The following C1QTNF3 variants were observed in gnomAD, a reference collection of about 807,000 sequenced individuals.
C1QTNF3 encodes complement C1q tumor necrosis factor-related protein 3.
A neutral mutation model predicts 32.6 loss-of-function variants in C1QTNF3; 26 were observed. The observed-to-expected ratio is 0.80, with a 90% CI of 0.58 to 1.11. The LOEUF (loss-of-function observed/expected upper bound fraction) is 1.11. Ranked by LOEUF, C1QTNF3 falls within the 50% of genes least tolerant of loss-of-function variation. The probability of loss-of-function intolerance (pLI) is 0.00; values close to 1 mark genes in which losing one functional copy is unlikely to be tolerated. For synonymous variants in C1QTNF3, 155 were observed against 146.0 expected, an observed-to-expected ratio of 1.06 and a Z score of -0.44; for missense variants, 362 against 398.2, an observed-to-expected ratio of 0.91 and a Z score of 0.77.
chr5:34,102,866 AG>A, the C1QTNF3 span, among the ~76,000 whole-genome samples: 2 of 152,260 alleles, frequency 1.3e-5, no homozygotes, highest in Non-Finnish European at 2.9e-5. Flanking sequence ...TAGCATTAGG[AG>A]ATACACCTAA....
chr5:34,178,450 T>A, the C1QTNF3 span, among the ~76,000 whole-genome samples: 1 of 151,954 alleles, frequency 6.6e-6, no homozygotes, highest in Non-Finnish European at 1.5e-5. Context: ...GGCTGTTCCC[T>A]GTGTGTCAAC....
chr5:34,022,863 GT>G (rs1349450385), intron 5 of C1QTNF3, among the ~76,000 whole-genome samples: 3 of 151,910 alleles, frequency 2.0e-5, no homozygotes, highest in Admixed American at 2.0e-4. Context: ...TTTTTGTTTT[GT>G]TTTGTTTTTG....
chr5:34,203,753 T>A, the C1QTNF3 span, among the ~76,000 whole-genome samples: 6 of 150,532 alleles, frequency 4.0e-5, no homozygotes, highest in African/African-American at 1.2e-4. Context: ...AATATTATGC[T>A]TACAAGAAAC....
At chr5:34,056,186 G>T in the C1QTNF3 span, among the ~76,000 whole-genome samples, 4 of 151,838 alleles carry the variant, frequency 2.6e-5, no homozygotes, top group South Asian at 8.3e-4. Context: ...TGAGTTCCAA[G>T]TCATTATTTT....
At chr5:34,121,838 A>T in the C1QTNF3 span, among the ~76,000 whole-genome samples, 1 of 152,162 alleles carries the variant, frequency 6.6e-6, no homozygotes, top group East Asian at 1.9e-4. Context: ...TTCATGAATG[A>T]AATGAGTGAC....
chr5:34,186,414 T>C, the C1QTNF3 span, among the ~76,000 whole-genome samples: 9 of 152,424 alleles, frequency 5.9e-5, no homozygotes, highest in African/African-American at 2.2e-4. Context: ...TGATATACAA[T>C]ATACATTAAT....
the C1QTNF3 span, among the ~76,000 whole-genome samples, chr5:34,214,073 G>A: frequency 6.6e-6 from 1 of 150,578 alleles, no homozygotes. Context: ...GCCTCCCAAA[G>A]TGCTGGGATT....
rs1290773889 is a variant in C1QTNF3 at position 34,020,171 on chromosome 5, C to G, written c.*412G>C. The G allele has an allele frequency of 6.0e-6, 1 of 166,574 alleles. No individual in the cohort carries two copies. The highest frequency in any genetic ancestry group is 1.7e-4 in the East Asian group (1 of 6,002). 10.3% of individuals were successfully genotyped at this position (166,574 alleles called of 1,614,324 possible). On this transcript the variant is annotated 3_prime_UTR_variant, in exon 6 of 6. Coordinates refer to ENST00000382065, the MANE Select transcript of C1QTNF3 (RefSeq NM_181435.6). ...CCCCAGCCCTGTCATATCACTACAT[C>G]CGATTCTCTCAAATGTTATAAAGAA... is the stretch of plus-strand genomic sequence containing the variant.
chr5:34,202,678 A>C, the C1QTNF3 span, among the ~76,000 whole-genome samples: 1 of 152,078 alleles, frequency 6.6e-6, no homozygotes, highest in African/African-American at 2.4e-5. Context: ...GTATATGTTA[A>C]CTTTTATACA....
At chr5:34,142,286 G>C in the C1QTNF3 span, among the ~76,000 whole-genome samples, 10 of 152,264 alleles carry the variant, frequency 6.6e-5, no homozygotes, top group Non-Finnish European at 1.5e-4. Flanking sequence ...CAAAAAATTA[G>C]CTGAGCATAG....
the C1QTNF3 span, among the ~76,000 whole-genome samples, chr5:34,052,391 G>A: frequency 2.0e-5 from 3 of 152,008 alleles, no homozygotes; most frequent in Admixed American, 1.3e-4. Context: ...ATACCATAAC[G>A]AGATCTTTAT....
chr5:34,174,399 A>C, the C1QTNF3 span, among the ~76,000 whole-genome samples: 4 of 152,134 alleles, frequency 2.6e-5, no homozygotes, highest in African/African-American at 9.7e-5. Context: ...ACCTCTCCAC[A>C]AAACTGCCAT....
chr5:34,213,940 T>C, the C1QTNF3 span, among the ~76,000 whole-genome samples: 6 of 147,200 alleles, frequency 4.1e-5, no homozygotes, highest in African/African-American at 1.5e-4. Flanking sequence ...GCCTCCCAAG[T>C]GGCTGGAATT....
At chr5:34,118,204 C>T in the C1QTNF3 span, among the ~76,000 whole-genome samples, 11 of 151,946 alleles carry the variant, frequency 7.2e-5, no homozygotes, top group Non-Finnish European at 1.2e-4. Context: ...CTCATCCGCT[C>T]GAGTAGCTGG....
At chr5:34,127,798 T>A in the C1QTNF3 span, among the ~76,000 whole-genome samples, 15 of 151,500 alleles carry the variant, frequency 9.9e-5, no homozygotes, top group Admixed American at 9.2e-4. Flanking sequence ...CACAAAGAGA[T>A]GGTTTGAAAT....
the C1QTNF3 span, among the ~76,000 whole-genome samples, chr5:34,103,954 T>C: frequency 1.3e-4 from 20 of 151,848 alleles, no homozygotes; most frequent in Non-Finnish European, 2.5e-4. Context: ...TAAAAGCTTA[T>C]TGACTTGATG....
chr5:34,068,634 CTTAG>C, the C1QTNF3 span, among the ~76,000 whole-genome samples: 1 of 151,834 alleles, frequency 6.6e-6, no homozygotes, highest in Non-Finnish European at 1.5e-5. Flanking sequence ...TTTCCATAAG[CTTAG>C]TTACATTATT....
the C1QTNF3 span, among the ~76,000 whole-genome samples, chr5:34,094,276 A>C: frequency 1.3e-5 from 2 of 151,946 alleles, no homozygotes; most frequent in African/African-American, 4.8e-5. Context: ...GTGATTTCTG[A>C]TTTCAAAAAA....
At chr5:34,222,074 T>A in the C1QTNF3 span, among the ~76,000 whole-genome samples, 1 of 152,060 alleles carries the variant, frequency 6.6e-6, no homozygotes, top group African/African-American at 2.4e-5. Flanking sequence ...ATATTTCGCT[T>A]GTGGTATTAT....
Sources: allele counts gnomAD v4.1 joint callset (sites outside exome capture counted in the v4.1 genomes callset), GRCh38; gene constraint gnomAD v4.1.1; transcripts MANE v1.5; gene names NCBI Gene and HGNC (gene_info 2026-07-23, HGNC 2026-07-21).